Variants in KCNN3 observed in about 807,000 individuals in gnomAD.
KCNN3 encodes potassium calcium-activated channel subfamily N member 3.
In KCNN3, 16 loss-of-function variants were observed where a neutral mutation model predicts 62.9. The ratio of observed to expected loss-of-function variants is 0.25; its 90% CI spans 0.17 to 0.39. The LOEUF is 0.39. Ranked by LOEUF, KCNN3 falls within the 10% of genes least tolerant of loss-of-function variation. KCNN3 has a pLI of 1.00. For missense variants in KCNN3, 599 were observed against 949.4 expected, an observed-to-expected ratio of 0.63 and a Z score of 4.85; for synonymous variants, 370 against 389.2, an observed-to-expected ratio of 0.95 and a Z score of 0.58.
intron 1 of KCNN3, among the ~76,000 whole-genome samples, chr1:154,864,220 T>A (rs1263495412): frequency 6.6e-6 from 1 of 151,814 alleles, no homozygotes; most frequent in African/African-American, 2.4e-5. Flanking sequence ...CTGGAAAGGG[T>A]CTATCCTACT....
intron 1 of KCNN3, among the ~76,000 whole-genome samples, chr1:154,856,977 G>A (rs1367344752): frequency 6.6e-6 from 1 of 152,150 alleles, no homozygotes; most frequent in African/African-American, 2.4e-5. Flanking sequence ...CAAGTCTCAG[G>A]CTTGTGGGTC....
At chr1:154,715,111 T>G (rs1700205210) in intron 5 of KCNN3, 108 bp from the exon 6 acceptor site, 1 of 1,362,196 alleles carries the variant, frequency 7.3e-7, no homozygotes, top group South Asian at 1.2e-5. Context: ...TGCAATGATC[T>G]ATTTTCTTAA....
Position 154,772,088 on chromosome 1 carries a change from G to A in KCNN3, c.1335C>T (p.Phe445=). Residue 445 remains phenylalanine (F), a synonymous_variant, in exon 3 of 8, where the codon TTC becomes TTT. Coordinates refer to ENST00000271915, the MANE Select transcript of KCNN3 (RefSeq NM_002249.6). The surrounding 1 kb of genome is among the most constrained non-coding windows in gnomAD (Gnocchi z 5.6). ...GCGTCTTCATGACAAAGCGGGTGTT[G>A]AAGTTGATCTTGTTGAGGGCCCCGA... ...RSIGALNKIN[F]NTRFVMKTLM... is the part of the protein sequence containing the mutation. The A allele has an allele frequency of 6.2e-7, 1 of 1,614,216 alleles. No individual in the cohort carries two copies.
At chr1:154,791,927 A>G (rs996174444) in intron 2 of KCNN3, among the ~76,000 whole-genome samples, 1 of 152,202 alleles carries the variant, frequency 6.6e-6, no homozygotes, top group Admixed American at 6.5e-5. Flanking sequence ...CAACCCATCT[A>G]TAATACCCTG....
At position 154,704,551 on chromosome 1, in the gene KCNN3, G is replaced by A. The variant is rs1436338951; in HGVS notation, c.*3425C>T. 2.6e-5 allele frequency: 4 copies of A among 151,992 alleles called. No homozygotes were observed. The highest frequency in any genetic ancestry group is 5.9e-5 in the Non-Finnish European group (4 of 68,006). The allele number at this position is 151,992 out of a possible 1,614,324, so 9.4% of individuals were successfully genotyped here. On this transcript the variant is annotated 3_prime_UTR_variant, in exon 8 of 8. Coordinates refer to ENST00000271915, the MANE Select transcript of KCNN3 (RefSeq NM_002249.6). ...CATCCCTGACTTTACAGTACATGAA[G>A]CTTTAATATGGCTTAAGCAATGGCA... is the stretch of plus-strand genomic sequence containing the variant.
intron 2 of KCNN3, among the ~76,000 whole-genome samples, chr1:154,774,752 T>C (rs977934016): frequency 1.3e-5 from 2 of 152,160 alleles, no homozygotes; most frequent in Non-Finnish European, 1.5e-5. Flanking sequence ...TCTCCAAAGC[T>C]GGTTATGATT....
intron 2 of KCNN3, among the ~76,000 whole-genome samples, chr1:154,811,196 G>T (rs548942797): frequency 2.0e-5 from 3 of 152,138 alleles, no homozygotes; most frequent in Non-Finnish European, 4.4e-5. Flanking sequence ...GATGGGACAG[G>T]GTAAAGGTAA....
intron 2 of KCNN3, among the ~76,000 whole-genome samples, chr1:154,804,052 G>A (rs1450781262): frequency 1.3e-5 from 2 of 152,170 alleles, no homozygotes; most frequent in South Asian, 4.1e-4. Flanking sequence ...GGCATGACAC[G>A]TCCTCCTTTA....
chr1:154,854,014 T>C (rs1652413681), intron 1 of KCNN3, among the ~76,000 whole-genome samples: 2 of 151,812 alleles, frequency 1.3e-5, no homozygotes. Flanking sequence ...GGCAGGCAGA[T>C]CATGAGGTCA....
chr1:154,792,714 T>C (rs577464513), intron 2 of KCNN3, among the ~76,000 whole-genome samples: 21 of 152,236 alleles, frequency 1.4e-4, no homozygotes, highest in Admixed American at 9.8e-4. Flanking sequence ...CCCAGGGAAA[T>C]GTTTTCAAAA....
chr1:154,839,284 G>T (rs1485783575), intron 1 of KCNN3, among the ~76,000 whole-genome samples: 1 of 152,142 alleles, frequency 6.6e-6, no homozygotes, highest in Admixed American at 6.5e-5. Context: ...CTGCTCCAAG[G>T]CTCTGCGTAC....
At chr1:154,747,283 C>T (rs1018930028) in intron 3 of KCNN3, among the ~76,000 whole-genome samples, 1 of 152,146 alleles carries the variant, frequency 6.6e-6, no homozygotes, top group Non-Finnish European at 1.5e-5. Flanking sequence ...GCTGGTGTCC[C>T]GTCTTCCCCT....
At chr1:154,854,028 G>T (rs1652414254) in intron 1 of KCNN3, among the ~76,000 whole-genome samples, 1 of 152,098 alleles carries the variant, frequency 6.6e-6, no homozygotes, top group African/African-American at 2.4e-5. Flanking sequence ...GAGGTCAGGA[G>T]ATCAAGACCA....
chr1:154,791,836 A>AG (rs1457237182), intron 2 of KCNN3, among the ~76,000 whole-genome samples: 3 of 152,208 alleles, frequency 2.0e-5, no homozygotes, highest in Non-Finnish European at 4.4e-5. Context: ...TGAATTTGGA[A>AG]GGAAAAACCA....
At chr1:154,748,804 T>G (rs1248469930) in intron 3 of KCNN3, among the ~76,000 whole-genome samples, 1 of 152,164 alleles carries the variant, frequency 6.6e-6, no homozygotes, top group East Asian at 1.9e-4. Flanking sequence ...CTACAAAAAA[T>G]GAATAAAATT....
chr1:154,804,288 G>A (rs920062109), intron 2 of KCNN3, among the ~76,000 whole-genome samples: 1 of 152,254 alleles, frequency 6.6e-6, no homozygotes, highest in Non-Finnish European at 1.5e-5. Context: ...CATGAAATGA[G>A]TCTAAGGGGC....
At chr1:154,848,020 G>A (rs1308811438) in intron 1 of KCNN3, among the ~76,000 whole-genome samples, 7 of 152,274 alleles carry the variant, frequency 4.6e-5, no homozygotes, top group Non-Finnish European at 1.0e-4. Context: ...CTCTGAAAAC[G>A]AGCAGGAAGA....
At chr1:154,758,672 G>T (rs2981414) in intron 3 of KCNN3, among the ~76,000 whole-genome samples, 4,134 of 152,276 alleles carry the variant, frequency 0.027, 189 homozygotes, top group African/African-American at 0.094. Context: ...ATGGAACGAG[G>T]TGGGGTACTC....
At chr1:154,729,093 C>T (rs771538248) in intron 4 of KCNN3, among the ~76,000 whole-genome samples, 80 of 152,154 alleles carry the variant, frequency 5.3e-4, no homozygotes, top group Non-Finnish European at 9.1e-4. Context: ...AGAGACAAAT[C>T]ACCGAGGGCC....
Sources: gnomAD v4.1 joint callset for allele counts (sites outside exome capture counted in the v4.1 genomes callset) on GRCh38, gnomAD v4.1.1 for gene constraint, Gnocchi (gnomAD v3.1) non-coding constraint, MANE v1.5 for transcripts, NCBI Gene and HGNC (gene_info 2026-07-23, HGNC 2026-07-21) for gene names.